ARMH3: variants seen among roughly 807,000 people sequenced by gnomAD.
ARMH3 encodes armadillo like helical domain containing 3, also known as armadillo-like helical domain-containing protein 3.
In ARMH3, 60 loss-of-function variants were observed where a neutral mutation model predicts 99.1. The ratio of observed to expected loss-of-function variants is 0.61; its 90% CI spans 0.49 to 0.75. The LOEUF (loss-of-function observed/expected upper bound fraction) is 0.75. Ranked by LOEUF, ARMH3 falls within the 30% of genes least tolerant of loss-of-function variation. ARMH3 has a pLI of 0.00. For missense variants in ARMH3, 679 were observed against 843.1 expected, an observed-to-expected ratio of 0.81 and a Z score of 2.41; for synonymous variants, 285 against 292.8, an observed-to-expected ratio of 0.97 and a Z score of 0.27.
intron 24 of ARMH3, among the ~76,000 whole-genome samples, chr10:101,885,715 C>T (rs1322239459): frequency 2.0e-5 from 3 of 152,076 alleles, no homozygotes; most frequent in Non-Finnish European, 4.4e-5. Flanking sequence ...GATGGTTGCA[C>T]AACAATGTGA....
chr10:102,030,670 T>C (rs947184408), intron 4 of ARMH3, among the ~76,000 whole-genome samples: 8 of 152,166 alleles, frequency 5.3e-5, no homozygotes, highest in East Asian at 3.9e-4. Context: ...GATCGCTCCA[T>C]TGCACTCCAG....
chr10:102,038,157 C>T (rs1272820024), intron 2 of ARMH3, among the ~76,000 whole-genome samples: 2 of 143,480 alleles, frequency 1.4e-5, no homozygotes, highest in African/African-American at 5.3e-5. Context: ...TGCAGTGGCG[C>T]GATCTCAGCT....
intron 23 of ARMH3, among the ~76,000 whole-genome samples, chr10:101,890,950 C>CT (rs1462315607): frequency 6.6e-6 from 1 of 150,404 alleles, no homozygotes; most frequent in African/African-American, 2.5e-5. Flanking sequence ...ACATGGCTCA[C>CT]TACAGCCTCC....
At chr10:102,003,110 A>G (rs868571586) in intron 14 of ARMH3, among the ~76,000 whole-genome samples, 2 of 152,114 alleles carry the variant, frequency 1.3e-5, no homozygotes, top group Non-Finnish European at 2.9e-5. Flanking sequence ...CACAGTCCCA[A>G]TGAACAATGA....
intron 1 of ARMH3, among the ~76,000 whole-genome samples, chr10:102,040,547 A>G (rs2067386076): frequency 6.6e-6 from 1 of 152,238 alleles, no homozygotes; most frequent in Non-Finnish European, 1.5e-5. Flanking sequence ...CTGATAAACA[A>G]CCATGCTACA....
intron 22 of ARMH3, among the ~76,000 whole-genome samples, chr10:101,953,031 T>C (rs1297313724): frequency 6.6e-6 from 1 of 152,248 alleles, no homozygotes. Context: ...TGGGTGTATA[T>C]ACCATATTTT....
At chr10:102,013,873 T>C (rs1183909623) in intron 9 of ARMH3, 95 bp downstream of exon 9, 5 of 1,039,522 alleles carry the variant, frequency 4.8e-6, no homozygotes, top group Middle Eastern at 2.1e-4. Flanking sequence ...ATTGACAGAA[T>C]AGCTCTCTGC....
chr10:101,896,088 G>A (rs779539447), intron 23 of ARMH3, among the ~76,000 whole-genome samples: 5 of 152,230 alleles, frequency 3.3e-5, no homozygotes, highest in Middle Eastern at 3.4e-3. Flanking sequence ...AAAATTAGCC[G>A]GGTATGGTGG....
intron 23 of ARMH3, among the ~76,000 whole-genome samples, chr10:101,930,129 T>C (rs756500088): frequency 3.3e-5 from 5 of 152,294 alleles, no homozygotes; most frequent in Middle Eastern, 3.4e-3. Context: ...CATGACCAAG[T>C]AGGATTTATC....
At chr10:101,939,750 A>G (rs755473003) in intron 23 of ARMH3, 113 bp downstream of exon 23, 3 of 840,538 alleles carry the variant, frequency 3.6e-6, no homozygotes, top group Non-Finnish European at 5.5e-6. Context: ...TTCCACTCCT[A>G]CAGACATCAA....
chr10:101,977,841 C>T (rs1334825120), intron 19 of ARMH3, among the ~76,000 whole-genome samples: 1 of 152,192 alleles, frequency 6.6e-6, no homozygotes, highest in African/African-American at 2.4e-5. Context: ...CAGAGTGTCC[C>T]CATCAGCAAG....
intron 8 of ARMH3, among the ~76,000 whole-genome samples, chr10:102,022,398 A>C (rs1237505568): frequency 4.7e-5 from 7 of 149,606 alleles, no homozygotes; most frequent in Non-Finnish European, 1.0e-4. Flanking sequence ...AGGCTGAGGC[A>C]AAAGAATGGC....
chr10:101,991,801 G>A (rs541942143), intron 18 of ARMH3, among the ~76,000 whole-genome samples, 168 bp downstream of exon 18: 2 of 152,210 alleles, frequency 1.3e-5, no homozygotes, highest in African/African-American at 4.8e-5. Context: ...CTATAACTGG[G>A]GTTGCTTTAC....
At position 102,001,934 on chromosome 10, in the gene ARMH3, T is replaced by C. The variant is rs2066371126; in HGVS notation, c.1150+37A>G. On this transcript the variant is annotated intron_variant, in intron 15 of 25. Transcript: ENST00000370033. ...TTTGATGCTAGCTGCCTGCCACACCTTTGACTTCCTGAGCCCCCAAAATAG... is the reference window on the plus strand; with the variant it reads ...TTTGATGCTAGCTGCCTGCCACACCCTTGACTTCCTGAGCCCCCAAAATAG... 3 of 1,587,544 alleles carry C rather than the reference T, an allele frequency of 1.9e-6. No homozygotes were observed. In the Admixed American group the frequency reaches 5.1e-5, roughly 27 times the overall value.
At chr10:101,919,852 C>T (rs1286358346) in intron 23 of ARMH3, among the ~76,000 whole-genome samples, 2 of 152,178 alleles carry the variant, frequency 1.3e-5, no homozygotes, top group Non-Finnish European at 2.9e-5. Context: ...ACTGGCTTAA[C>T]GTAGATTCTT....
At chr10:101,956,568 G>C in intron 22 of ARMH3, 29 bp downstream of exon 22, 1 of 1,609,892 alleles carries the variant, frequency 6.2e-7, no homozygotes, top group Non-Finnish European at 8.5e-7. Flanking sequence ...AAATGGTGGA[G>C]AGAGGAGTAA....
chr10:102,028,258 A>G (rs1039302624), intron 5 of ARMH3, among the ~76,000 whole-genome samples: 1 of 152,272 alleles, frequency 6.6e-6, no homozygotes, highest in South Asian at 2.1e-4. Context: ...AATTTAAAAC[A>G]TATGTGTGGC....
At chr10:101,956,465 A>C in intron 22 of ARMH3, 132 bp downstream of exon 22, 1 of 1,174,508 alleles carries the variant, frequency 8.5e-7, no homozygotes, top group African/African-American at 1.6e-5. Flanking sequence ...GCCTGAGAAG[A>C]GGAGACTACT....
intron 2 of ARMH3, among the ~76,000 whole-genome samples, chr10:102,036,736 C>A (rs1008573129): frequency 6.6e-5 from 10 of 152,054 alleles, no homozygotes; most frequent in African/African-American, 2.2e-4. Context: ...ACAAACACTG[C>A]GGCTGCAGGG....
Sources: gnomAD v4.1 joint callset for allele counts (sites outside exome capture counted in the v4.1 genomes callset) on GRCh38, gnomAD v4.1.1 for gene constraint, MANE v1.5 for transcripts, NCBI Gene and HGNC (gene_info 2026-07-23, HGNC 2026-07-21) for gene names.